PKIG: variants seen among roughly 807,000 people sequenced by gnomAD.
The protein encoded by PKIG is protein kinase (cAMP-dependent, catalytic) inhibitor gamma.
A neutral mutation model predicts 6.8 loss-of-function variants in PKIG; 1 was observed. That is an observed-to-expected ratio of 0.15 (90% CI 0.05 to 0.69). PKIG has a LOEUF of 0.69. Ranked by LOEUF, PKIG falls within the 30% of genes least tolerant of loss-of-function variation. The pLI is 0.82. For missense variants in PKIG, 77 were observed against 104.0 expected (o/e 0.74, Z 1.13); for synonymous variants, 39 against 43.0 (o/e 0.91, Z 0.36).
At chr20:44,551,029 A>G (rs1353613164) in intron 1 of PKIG, among the ~76,000 whole-genome samples, 1 of 152,130 alleles carries the variant, frequency 6.6e-6, no homozygotes, top group Non-Finnish European at 1.5e-5. Context: ...TATGGACATT[A>G]TAATTCACTC....
intron 1 of PKIG, among the ~76,000 whole-genome samples, chr20:44,540,554 T>G (rs977255789): frequency 6.6e-6 from 1 of 150,976 alleles, no homozygotes; most frequent in Non-Finnish European, 1.5e-5. Flanking sequence ...GTACTGATGT[T>G]TTTGTTTTGT....
chr20:44,565,164 G>GT (rs1354345069), intron 1 of PKIG, among the ~76,000 whole-genome samples: 1 of 152,068 alleles, frequency 6.6e-6, no homozygotes, highest in Non-Finnish European at 1.5e-5. Flanking sequence ...GTGTTAGTGG[G>GT]TTTTTTTCTA....
At position 44,591,928 on chromosome 20, in the gene PKIG, A is replaced by G. The variant is rs2065037077; in HGVS notation, c.-24+2062A>G. Among the ~76,000 whole-genome samples the G allele has an allele frequency of 2.0e-5, 3 of 152,150 alleles. No individual in the cohort carries two copies. The South Asian group carries it at 6.2e-4, about 32-fold the overall frequency. On this transcript the variant is annotated intron_variant, in intron 2 of 3. Transcript: ENST00000372886. ...GGGATGAGAGCAGTGAAGAAGCCCTAGCCTCAGGATCAGTCTCACAGCTCC... is the reference window on the plus strand; with the variant it reads ...GGGATGAGAGCAGTGAAGAAGCCCTGGCCTCAGGATCAGTCTCACAGCTCC...
At chr20:44,563,112 C>T (rs957464228) in intron 1 of PKIG, among the ~76,000 whole-genome samples, 1 of 152,048 alleles carries the variant, frequency 6.6e-6, no homozygotes, top group African/African-American at 2.4e-5. Context: ...GACTACTAGC[C>T]CATCACTAGG....
intron 1 of PKIG, among the ~76,000 whole-genome samples, chr20:44,550,055 A>G (rs2064653997): frequency 6.6e-6 from 1 of 151,006 alleles, no homozygotes; most frequent in Non-Finnish European, 1.5e-5. Flanking sequence ...CACCTGAGGT[A>G]TACCTTAGTT....
At chr20:44,592,020 T>A (rs2065037905) in intron 2 of PKIG, among the ~76,000 whole-genome samples, 2 of 152,120 alleles carry the variant, frequency 1.3e-5, no homozygotes, top group Non-Finnish European at 2.9e-5. Flanking sequence ...GAAGGCCAGG[T>A]GTGTGCTTGG....
At chr20:44,575,386 T>C (rs952819587) in intron 1 of PKIG, among the ~76,000 whole-genome samples, 2 of 152,162 alleles carry the variant, frequency 1.3e-5, no homozygotes, top group Admixed American at 6.5e-5. Flanking sequence ...GCCCAGCCAA[T>C]TTTTGTATTT....
chr20:44,617,567 A>G lies in PKIG; in HGVS notation c.152-718A>G, dbSNP rs146803793. ...CTTGGCTTGTATCCTGACTCCCCTCAGTGAGGTGCTCCATCTCTGTGAGCC... is the reference window on the plus strand; with the variant it reads ...CTTGGCTTGTATCCTGACTCCCCTCGGTGAGGTGCTCCATCTCTGTGAGCC... On this transcript the variant is annotated intron_variant, in intron 3 of 3. Transcript: ENST00000372886. 5.2e-3 allele frequency among the ~76,000 whole-genome samples: 789 copies of G among 152,206 alleles called. 4 individuals are homozygous for G. The highest frequency in any genetic ancestry group is 0.018 in the African/African-American group (734 of 41,528).
chr20:44,562,601 CAAAAAA>C (rs1191493549), intron 1 of PKIG, among the ~76,000 whole-genome samples: 1 of 57,906 alleles, frequency 1.7e-5, no homozygotes, highest in African/African-American at 6.4e-5. Flanking sequence ...GACCCTGTCT[CAAAAAA>C]AAAAAAAAAA....
chr20:44,547,913 A>C (rs2064630727), intron 1 of PKIG, among the ~76,000 whole-genome samples: 1 of 152,016 alleles, frequency 6.6e-6, no homozygotes, highest in African/African-American at 2.4e-5. Context: ...ATGGTGGCTC[A>C]TGACTTGTAA....
chr20:44,600,518 G>A (rs1263591329), intron 2 of PKIG, among the ~76,000 whole-genome samples: 1 of 151,976 alleles, frequency 6.6e-6, no homozygotes, highest in Non-Finnish European at 1.5e-5. Flanking sequence ...GAGGAGAGAG[G>A]TCAGCAGATT....
At chr20:44,605,810 G>A (rs1024059593) in intron 2 of PKIG, among the ~76,000 whole-genome samples, 1 of 152,056 alleles carries the variant, frequency 6.6e-6, no homozygotes, top group African/African-American at 2.4e-5. Flanking sequence ...TTCTCAGGAA[G>A]CTAAGCTAGG....
Position 44,614,830 on chromosome 20 carries a change from C to T in PKIG, c.151+123C>T, listed in dbSNP as rs1247736787. 1.0e-6 allele frequency: 1 copy of T among 987,952 alleles called. No individual in the cohort carries two copies. Among genetic ancestry groups the T allele is most frequent in the Non-Finnish European group, 1.5e-6 (1 of 677,552 alleles). The allele number at this position is 987,952 out of a possible 1,614,324, so 61.2% of individuals were successfully genotyped here. ...AGAAGAAACCACATTTAAGTCAGGC[C>T]TGCCCCATGGTCAGTGGCAGAGTCC... is the stretch of plus-strand genomic sequence containing the variant. On this transcript the variant is annotated intron_variant, in intron 3 of 3. Coordinates refer to ENST00000372886, the MANE Select transcript of PKIG (RefSeq NM_001281445.2). This position sits in a 1 kb window ranked among gnomAD's most constrained non-coding sequence, Gnocchi z 4.6.
rs1219194548 is a variant in PKIG, at chr20:44,618,270, TTCTC to T, written c.152-12_152-9del. On this transcript the variant is annotated splice_polypyrimidine_tract_variant and intron_variant, in intron 3 of 3. Coordinates refer to ENST00000372886, the MANE Select transcript of PKIG (RefSeq NM_001281445.2). ...GTATATGTGCCCAAGAAAAACCTCT[TTCTC>T]TCCTCTCCAGAAGGACAGGTGGAGG... The T allele has an allele frequency of 1.3e-6, 2 of 1,589,306 alleles. No individual in the cohort carries two copies. Among genetic ancestry groups the T allele is most frequent in the East Asian group, 2.2e-5 (1 of 44,726 alleles).
intron 1 of PKIG, among the ~76,000 whole-genome samples, chr20:44,536,189 C>T (rs907827283): frequency 6.6e-6 from 1 of 152,082 alleles, no homozygotes; most frequent in Admixed American, 6.6e-5. Context: ...ATGTTTATAC[C>T]GCACTTTGTT....
At chr20:44,558,591 T>TTTCTTTCTTTCTTTCTTTCC (rs2064737889) in intron 1 of PKIG, among the ~76,000 whole-genome samples, 1 of 150,072 alleles carries the variant, frequency 6.7e-6, no homozygotes, top group Admixed American at 6.7e-5. Context: ...TCTTTCTTTC[T>TTTCTTTCTTTCTTTCTTTCC]TTCTTTCTTT....
In PKIG at chr20:44,618,480, C is replaced by A; in HGVS notation, c.*116C>A. 1 of 768,800 alleles carries A rather than the reference C, an allele frequency of 1.3e-6. No individual in the cohort carries two copies. Among genetic ancestry groups the A allele is most frequent in the Admixed American group, 1.9e-5 (1 of 52,234 alleles). The allele number at this position is 768,800 out of a possible 1,614,324, so 47.6% of individuals were successfully genotyped here. On this transcript the variant is annotated 3_prime_UTR_variant, in exon 4 of 4. Transcript: ENST00000372886. ...AGCTCCATGTCCCAGATAAACCAGG[C>A]CAGACTGAGAAGGCTCCCCAGAGGC...
intron 1 of PKIG, among the ~76,000 whole-genome samples, chr20:44,543,562 A>G (rs186782646): frequency 1.2e-3 from 184 of 152,286 alleles, no homozygotes; most frequent in Middle Eastern, 0.01. Flanking sequence ...CAACGTGTAT[A>G]TGTTTTGGCT....
chr20:44,579,484 C>T (rs920688390), upstream of PKIG, among the ~76,000 whole-genome samples: 3 of 152,238 alleles, frequency 2.0e-5, no homozygotes, highest in Admixed American at 6.5e-5. Flanking sequence ...GCCCCTTGCT[C>T]CCGTGAGCCT....
Sources: gnomAD v4.1 joint callset for allele counts (sites outside exome capture counted in the v4.1 genomes callset) on GRCh38, gnomAD v4.1.1 for gene constraint, Gnocchi (gnomAD v3.1) non-coding constraint, MANE v1.5 for transcripts, NCBI Gene and HGNC (gene_info 2026-07-23, HGNC 2026-07-21) for gene names.